Variants in PTGER3 observed in about 807,000 individuals in gnomAD.
The protein encoded by PTGER3 is prostaglandin E receptor 3.
PTGER3 carries 22 observed loss-of-function variants against 34.7 expected under a neutral mutation model. The ratio of observed to expected loss-of-function variants is 0.63; its 90% CI spans 0.45 to 0.91. The LOEUF is 0.91. Ranked by LOEUF, PTGER3 falls within the 40% of genes least tolerant of loss-of-function variation. The pLI is 0.00. For missense variants in PTGER3, 468 were observed against 519.4 expected, an observed-to-expected ratio of 0.90 and a Z score of 0.96; for synonymous variants, 241 against 230.1, an observed-to-expected ratio of 1.05 and a Z score of -0.43.
chr1:70,988,107 C>T (rs1655091693), intron 2 of PTGER3, among the ~76,000 whole-genome samples: 1 of 152,142 alleles, frequency 6.6e-6, no homozygotes, highest in African/African-American at 2.4e-5. Context: ...CTGGATCTTA[C>T]ATAAAAGTGT....
rs2101019635 is a variant in PTGER3 at position 71,046,861 on chromosome 1, G to C, written c.717C>G (p.Leu239=). Residue 239 remains leucine (L), a synonymous_variant, in exon 1 of 4, where the codon CTC becomes CTG. Transcript: ENST00000306666. ...FFASAFAFLG[L]LALTVTFSCN... ...AGGAAAAGGTGACTGTCAGCGCCAA[G>C]AGCCCCAGGAAGGCAAAGGCAGAGG... is the stretch of plus-strand genomic sequence containing the variant. 3 of 1,614,050 alleles carry C rather than the reference G, an allele frequency of 1.9e-6. No individual in the cohort carries two copies. The highest frequency in any genetic ancestry group is 2.5e-6 in the Non-Finnish European group (3 of 1,180,012).
intron 2 of PTGER3, among the ~76,000 whole-genome samples, chr1:71,004,710 G>A (rs1446917959): frequency 6.6e-6 from 1 of 152,166 alleles, no homozygotes; most frequent in Non-Finnish European, 1.5e-5. Flanking sequence ...TTATCAAAAA[G>A]AGAATAGAGA....
At chr1:70,929,148 A>C (rs1266642021) in intron 4 of PTGER3, among the ~76,000 whole-genome samples, 1 of 152,184 alleles carries the variant, frequency 6.6e-6, no homozygotes, top group African/African-American at 2.4e-5. Flanking sequence ...TAAATGACTA[A>C]TCCAAAGTTA....
chr1:71,047,204 G>T lies in PTGER3; in HGVS notation c.374C>A (p.Pro125Gln). The T allele has an allele frequency of 6.3e-7, 1 of 1,598,038 alleles. No homozygotes were observed. Among genetic ancestry groups the T allele is most frequent in the East Asian group, 2.3e-5 (1 of 44,016 alleles). The change falls in exon 1 of 4, where the codon CCG (proline) becomes CAG (glutamine). Residue 125 changes from proline to glutamine, a missense_variant. Physicochemically the swap from Pro to Gln is moderately conservative, Grantham distance 76. Around this residue, in one of 5 missense-constraint regions of PTGER3, gnomAD observed 53 missense variants for 93.9 expected, o/e 0.56. Coordinates refer to ENST00000306666, the MANE Select transcript of PTGER3 (RefSeq NM_198719.2). Reference sequence around the variant, plus strand: ...GAAAAAGGTGCAGAGCCGCCCCGACGGGTCGATGTGCTCCCAACGCTGCTT... The same window carrying T: ...GAAAAAGGTGCAGAGCCGCCCCGACTGGTCGATGTGCTCCCAACGCTGCTT... ...LSKQRWEHID[P>Q]SGRLCTFFGL...
intron 4 of PTGER3, among the ~76,000 whole-genome samples, chr1:70,861,423 TCAACACCTG>T (rs1378665357): frequency 1.3e-5 from 2 of 152,178 alleles, no homozygotes; most frequent in Non-Finnish European, 2.9e-5. Flanking sequence ...TGACCACCCA[TCAACACCTG>T]CAACACCTGC....
chr1:70,880,704 A>G (rs1052234859), intron 4 of PTGER3, among the ~76,000 whole-genome samples: 18 of 151,856 alleles, frequency 1.2e-4, no homozygotes, highest in Non-Finnish European at 1.8e-4. Context: ...AAAAGAAAAA[A>G]AAAAAAAAGA....
chr1:70,973,221 T>TGATA (rs72155144), intron 3 of PTGER3, among the ~76,000 whole-genome samples: 2,693 of 137,656 alleles, frequency 0.02, 30 homozygotes, highest in Non-Finnish European at 0.021. Context: ...GATAGATAGA[T>TGATA]GATAGATAGA....
intron 4 of PTGER3, among the ~76,000 whole-genome samples, chr1:70,924,732 C>T (rs776013793): frequency 3.4e-4 from 51 of 152,212 alleles, no homozygotes; most frequent in Non-Finnish European, 6.0e-4. Flanking sequence ...AATTAAACTG[C>T]TCTAAATTAA....
intron 2 of PTGER3, chr1:71,007,014 A>T (rs1446807196): frequency 2.0e-6 from 2 of 985,488 alleles, no homozygotes; most frequent in Admixed American, 6.2e-5. Flanking sequence ...ATTGAAGACC[A>T]GCCTTTAAAA....
chr1:70,901,067 G>C (rs1292839398), intron 4 of PTGER3, among the ~76,000 whole-genome samples: 3 of 152,170 alleles, frequency 2.0e-5, no homozygotes, highest in Non-Finnish European at 4.4e-5. Context: ...CAAGCCCATA[G>C]GAAAAACAGG....
At chr1:70,942,861 C>A (rs951500240) in intron 4 of PTGER3, among the ~76,000 whole-genome samples, 1 of 152,122 alleles carries the variant, frequency 6.6e-6, no homozygotes, top group Admixed American at 6.6e-5. Flanking sequence ...AGAAGGTGTT[C>A]ACCTGCAAGC....
intron 4 of PTGER3, among the ~76,000 whole-genome samples, chr1:70,927,545 T>C (rs957639389): frequency 5.3e-5 from 8 of 152,208 alleles, no homozygotes; most frequent in African/African-American, 1.9e-4. Flanking sequence ...ATGAGCTTGT[T>C]CAGCCACATT....
chr1:70,990,096 G>T (rs1655293488), intron 2 of PTGER3, among the ~76,000 whole-genome samples: 1 of 151,954 alleles, frequency 6.6e-6, no homozygotes, highest in African/African-American at 2.4e-5. Context: ...GCTCACGGCT[G>T]TAATGCCAGC....
intron 4 of PTGER3, chr1:70,865,902 A>T: frequency 9.8e-7 from 1 of 1,025,470 alleles, no homozygotes; most frequent in Non-Finnish European, 1.3e-6. Flanking sequence ...CACATCACAG[A>T]AACAAAATTG....
intron 4 of PTGER3, among the ~76,000 whole-genome samples, chr1:70,864,884 C>T (rs566477979): frequency 2.4e-4 from 37 of 152,262 alleles, no homozygotes; most frequent in Non-Finnish European, 4.1e-4. Flanking sequence ...GTTGCTTTTT[C>T]CTAACTCCTA....
intron 4 of PTGER3, chr1:70,852,970 T>C (rs1645715327): frequency 4.0e-6 from 5 of 1,240,042 alleles, no homozygotes; most frequent in Non-Finnish European, 4.7e-6. Context: ...TGAACAGGAA[T>C]GGTAAATCAC....
At chr1:70,954,605 T>C (rs1651122512) in intron 2 of PTGER3, among the ~76,000 whole-genome samples, 1 of 152,188 alleles carries the variant, frequency 6.6e-6, no homozygotes, top group Non-Finnish European at 1.5e-5. Context: ...TTCACGTATA[T>C]GATAGGTGGA....
At chr1:70,882,493 A>G (rs4649932) in intron 4 of PTGER3, among the ~76,000 whole-genome samples, 54,447 of 152,028 alleles carry the variant, frequency 0.36, 11,086 homozygotes, top group East Asian at 0.68. Context: ...TGTCCAATGA[A>G]ATGAGGATAG....
At chr1:70,855,117 C>CATACTCCATTGGA (rs1553156112) in intron 4 of PTGER3, among the ~76,000 whole-genome samples, 6 of 151,560 alleles carry the variant, frequency 4.0e-5, no homozygotes, top group Non-Finnish European at 8.8e-5. Flanking sequence ...GGAGTATATA[C>CATACTCCATTGGA]ATACAGTGGA....
Sources: gnomAD v4.1 joint callset for allele counts (sites outside exome capture counted in the v4.1 genomes callset) on GRCh38, gnomAD v4.1.1 for gene constraint, gnomAD v4.1.1 regional missense constraint, MANE v1.5 for transcripts, NCBI Gene and HGNC (gene_info 2026-07-23, HGNC 2026-07-21) for gene names.